The following RDH11 variants were observed in gnomAD, a reference collection of about 807,000 sequenced individuals.
The protein encoded by RDH11 is retinol dehydrogenase 11.
Under a neutral mutation model 33.4 loss-of-function variants are expected in RDH11, and 19 were observed. The observed-to-expected ratio is 0.57, with a 90% confidence interval of 0.40 to 0.83. The LOEUF (loss-of-function observed/expected upper bound fraction) is 0.83, where lower values mean the gene tolerates loss of function less well. RDH11 is among the 40% of genes least tolerant of loss of function. RDH11 has a pLI of 0.00. For missense variants in RDH11, 353 were observed against 389.0 expected (o/e 0.91, Z 0.78); for synonymous variants, 154 against 155.3 (o/e 0.99, Z 0.06).
At position 67,691,001 on chromosome 14, in the gene RDH11, A is replaced by T. The variant is rs553535938; in HGVS notation, c.454+139T>A. On this transcript the variant is annotated intron_variant, in intron 4 of 6. Coordinates refer to ENST00000381346, the MANE Select transcript of RDH11 (RefSeq NM_016026.4). ...CTCAGGTATTCCTCAGCTATCAGGT[A>T]GGACCAAACTATTATGCACACATGG... The T allele has an allele frequency of 4.5e-6, 3 of 661,146 alleles. No homozygotes were observed. The East Asian group carries it at 7.6e-5, about 17-fold the overall frequency. 41.0% of individuals were successfully genotyped at this position (661,146 alleles called of 1,614,324 possible).
intron 5 of RDH11, among the ~76,000 whole-genome samples, chr14:67,689,540 T>C (rs1349183482): frequency 1.3e-5 from 2 of 152,200 alleles, no homozygotes; most frequent in Non-Finnish European, 2.9e-5. Flanking sequence ...CCTTCCCTCA[T>C]ACTCAGTCTC....
intron 5 of RDH11, 171 bp downstream of exon 5, chr14:67,690,041 G>C: frequency 1.7e-6 from 1 of 600,324 alleles, no homozygotes; most frequent in Non-Finnish European, 3.0e-6. Flanking sequence ...CACTGTCCCA[G>C]CCAGCCACCT....
intron 6 of RDH11, among the ~76,000 whole-genome samples, chr14:67,679,404 G>GTT (rs532131167): frequency 0.011 from 1,586 of 140,792 alleles, 35 homozygotes; most frequent in African/African-American, 0.038. Context: ...TTAATTCCAA[G>GTT]TTTTTTTTTT....
intron 6 of RDH11, among the ~76,000 whole-genome samples, chr14:67,681,830 C>T (rs1193494913): frequency 6.6e-6 from 1 of 152,110 alleles, no homozygotes; most frequent in Non-Finnish European, 1.5e-5. Flanking sequence ...AATGCTACAA[C>T]TATAAGACTA....
intron 6 of RDH11, among the ~76,000 whole-genome samples, chr14:67,681,959 C>A (rs889234367): frequency 1.3e-5 from 2 of 152,118 alleles, no homozygotes; most frequent in Non-Finnish European, 2.9e-5. Context: ...TGCCCTCATA[C>A]CTGGATTAAT....
chr14:67,678,715 GC>G, intron 6 of RDH11, among the ~76,000 whole-genome samples: 1 of 152,180 alleles, frequency 6.6e-6, no homozygotes, highest in East Asian at 1.9e-4. Context: ...ATTAGTGCCT[GC>G]CTGACACCCA....
At chr14:67,688,595 A>G (rs1372312068) in intron 5 of RDH11, among the ~76,000 whole-genome samples, 1 of 142,364 alleles carries the variant, frequency 7.0e-6, no homozygotes, top group Non-Finnish European at 1.5e-5. Context: ...TATGCTTTGA[A>G]CTCTTTTTTT....
intron 6 of RDH11, among the ~76,000 whole-genome samples, chr14:67,678,942 C>T (rs374953294): frequency 6.6e-4 from 101 of 152,136 alleles, no homozygotes; most frequent in African/African-American, 2.3e-3. Context: ...AAGGAAAAGG[C>T]GACACAGAAA....
At chr14:67,687,092 C>T (rs963325489) in intron 5 of RDH11, among the ~76,000 whole-genome samples, 3 of 152,174 alleles carry the variant, frequency 2.0e-5, no homozygotes, top group African/African-American at 7.2e-5. Flanking sequence ...CTAAAGCATG[C>T]ATCTCCAGTC....
At chr14:67,694,383 T>G (rs886109424) in intron 1 of RDH11, among the ~76,000 whole-genome samples, 1 of 151,644 alleles carries the variant, frequency 6.6e-6, no homozygotes, top group African/African-American at 2.4e-5. Flanking sequence ...AAAGTCCAGC[T>G]CTGGCCCGAC....
intron 6 of RDH11, among the ~76,000 whole-genome samples, chr14:67,681,714 G>A (rs555176856): frequency 5.9e-5 from 9 of 152,038 alleles, no homozygotes; most frequent in South Asian, 4.2e-4. Context: ...CCCAGGAGGC[G>A]GAGGTTGCAG....
Position 67,691,173 on chromosome 14 carries a change from C to T in RDH11, c.421G>A (p.Gly141Ser). 6.2e-7 allele frequency: 1 copy of T among 1,614,068 alleles called. No individual in the cohort carries two copies. The highest frequency in any genetic ancestry group is 1.7e-5 in the Admixed American group (1 of 60,028). ...MMCPYSKTAD[G>S]FEMHIGVNHL... is the part of the protein sequence containing the mutation. ...TTGACTCCTATGTGCATCTCAAAGC[C>T]ATCTGCTGTCTTCGAGTACGGACAC... Residue 141 changes from glycine to serine, a missense_variant, in exon 4 of 7, where the codon GGC (glycine) becomes AGC (serine). By Grantham distance (56) the Gly-to-Ser change is moderately conservative (BLOSUM62 0). Coordinates refer to ENST00000381346, the MANE Select transcript of RDH11 (RefSeq NM_016026.4).
At chr14:67,678,459 TAAG>T in intron 6 of RDH11, 36 bp from the exon 7 acceptor site, 1 of 1,445,946 alleles carries the variant, frequency 6.9e-7, no homozygotes, top group Non-Finnish European at 9.7e-7. Flanking sequence ...AGCACAGTGT[TAAG>T]AATGAAGTCT....
In RDH11 at chr14:67,684,587, CT is replaced by C. The variant is rs545781349; in HGVS notation, c.854+427del. ...CAATAGAGAAATGCAGATTCAAATT[CT>C]TTTTTTTTTTTTTTGAGGCGGAGTT... On this transcript the variant is annotated intron_variant, in intron 6 of 6. Coordinates refer to ENST00000381346, the MANE Select transcript of RDH11 (RefSeq NM_016026.4). 2.8e-3 allele frequency: 403 copies of C among 142,130 alleles called. 1 individual carries two copies. Among genetic ancestry groups the C allele is most frequent in the Middle Eastern group, 3.7e-3 (1 of 268 alleles). The allele number at this position is 142,130 out of a possible 1,614,324, so 8.8% of individuals were successfully genotyped here.
At chr14:67,681,681 C>T (rs955743314) in intron 6 of RDH11, among the ~76,000 whole-genome samples, 1 of 152,110 alleles carries the variant, frequency 6.6e-6, no homozygotes, top group Non-Finnish European at 1.5e-5. Flanking sequence ...ACTCGGGAGG[C>T]TGAGACAGGA....
chr14:67,690,549 A>G lies in RDH11; in HGVS notation c.455-128T>C. ...AGGTCTTTCCCTCCAACTTTTCATT[A>G]TCAACTAGAAAACAAGTTTAATGAA... On this transcript the variant is annotated intron_variant, in intron 4 of 6. Coordinates refer to ENST00000381346, the MANE Select transcript of RDH11 (RefSeq NM_016026.4). The G allele has an allele frequency of 5.4e-6, 4 of 739,266 alleles. No individual in the cohort carries two copies. The South Asian group carries it at 7.0e-5, about 13-fold the overall frequency. 45.8% of individuals were successfully genotyped at this position (739,266 alleles called of 1,614,324 possible).
At chr14:67,693,266 C>T (rs1488663808) in intron 1 of RDH11, among the ~76,000 whole-genome samples, 1 of 152,214 alleles carries the variant, frequency 6.6e-6, no homozygotes, top group Non-Finnish European at 1.5e-5. Context: ...ATTACAAGGG[C>T]AAAGCTTACA....
chr14:67,694,911 A>C (rs1366856857), intron 1 of RDH11, among the ~76,000 whole-genome samples: 1 of 152,158 alleles, frequency 6.6e-6, no homozygotes, highest in Non-Finnish European at 1.5e-5. Flanking sequence ...AGAACCAATA[A>C]GCAGGCTGCC....
chr14:67,692,393 T>A, intron 3 of RDH11, 45 bp downstream of exon 3: 1 of 1,601,170 alleles, frequency 6.2e-7, no homozygotes, highest in Non-Finnish European at 8.5e-7. Flanking sequence ...ATCTGCCATG[T>A]TGACCTCAAG....
Sources: gnomAD v4.1 joint callset for allele counts (sites outside exome capture counted in the v4.1 genomes callset) on GRCh38, gnomAD v4.1.1 for gene constraint, MANE v1.5 for transcripts, NCBI Gene and HGNC (gene_info 2026-07-23, HGNC 2026-07-21) for gene names.